Variants in ITSN2 observed in about 807,000 individuals in gnomAD.
ITSN2 encodes intersectin 2.
ITSN2 carries 156 observed loss-of-function variants against 243.7 expected under a neutral mutation model. The ratio of observed to expected loss-of-function variants is 0.64; its 90% confidence interval spans 0.56 to 0.73. The LOEUF (loss-of-function observed/expected upper bound fraction) is 0.73, where lower values mean the gene tolerates loss of function less well. ITSN2 is among the 30% of genes least tolerant of loss of function. The pLI is 0.00. For synonymous variants in ITSN2, 703 were observed against 699.9 expected (o/e 1.00, Z -0.07); for missense variants, 1,801 against 1,996.1 (o/e 0.90, Z 1.86).
intron 29 of ITSN2, 85 bp downstream of exon 29, chr2:24,246,044 G>T: frequency 1.1e-6 from 1 of 888,110 alleles, no homozygotes; most frequent in Non-Finnish European, 1.7e-6. Flanking sequence ...CTGAGTTTAA[G>T]ATCTAATCCA....
At chr2:24,261,293 G>C (rs752220406) in intron 21 of ITSN2, 43 bp from the exon 22 acceptor site, 1 of 1,420,476 alleles carries the variant, frequency 7.0e-7, no homozygotes. Flanking sequence ...TATTTGTTTA[G>C]AACTTAATGA....
At chr2:24,318,819 C>T (rs1328266242) in intron 2 of ITSN2, among the ~76,000 whole-genome samples, 5 of 152,192 alleles carry the variant, frequency 3.3e-5, no homozygotes, top group East Asian at 1.9e-4. Context: ...CCCCAGGCCA[C>T]GGACTGGCAC....
intron 1 of ITSN2, among the ~76,000 whole-genome samples, chr2:24,357,920 CT>C (rs956334009): frequency 6.6e-6 from 1 of 150,934 alleles, no homozygotes; most frequent in Non-Finnish European, 1.5e-5. Flanking sequence ...CTTTTTTTTT[CT>C]TTTTTTTGTT....
At chr2:24,248,591 T>C (rs761205947) in intron 27 of ITSN2, 38 bp downstream of exon 27, 4 of 1,533,996 alleles carry the variant, frequency 2.6e-6, no homozygotes, top group East Asian at 2.3e-5. Flanking sequence ...GCAGTACTTT[T>C]ATAATAAAAT....
intron 29 of ITSN2, among the ~76,000 whole-genome samples, chr2:24,237,349 ATC>A (rs1190185261): frequency 2.5e-5 from 2 of 79,412 alleles, no homozygotes; most frequent in Non-Finnish European, 4.9e-5. Flanking sequence ...TAGCAAAATA[ATC>A]TCTTTCTCAT....
intron 17 of ITSN2, among the ~76,000 whole-genome samples, chr2:24,279,972 T>G (rs1032825920): frequency 1.3e-5 from 2 of 152,066 alleles, no homozygotes; most frequent in Non-Finnish European, 2.9e-5. Flanking sequence ...GATCTCATGA[T>G]CCACCCGCCT....
rs912433656 is a variant in ITSN2 at position 24,212,943 on chromosome 2, C to T, written c.3991-195G>A. Among the ~76,000 whole-genome samples, 4 of 152,098 alleles carry T rather than the reference C, an allele frequency of 2.6e-5. No homozygotes were observed. The South Asian group carries it at 6.2e-4, about 24-fold the overall frequency. ...AAAATTTGTGTATATTCACAACATA[C>T]AAGTGTAATTTTGCTACACTGATAT... On this transcript the variant is annotated intron_variant, in intron 32 of 39. Transcript: ENST00000355123.
Position 24,246,318 on chromosome 2 carries a change from A to G in ITSN2, c.3388T>C (p.Cys1130Arg), listed in dbSNP as rs202114029. Residue 1130 changes from cysteine (C) to arginine (R), a missense_variant and splice_region_variant, in exon 29 of 40, where the codon TGT becomes CGT. Coordinates refer to ENST00000355123, the MANE Select transcript of ITSN2 (RefSeq NM_006277.3). ...TAGTCATACATAGCAATCACCTGAC[A>G]TACTATCACAAGAATAACAAAATAA... The part of the protein sequence containing the change: ...ERATPAFHPV[C>R]QVIAMYDYAA... 56 of 1,590,572 alleles carry G rather than the reference A, an allele frequency of 3.5e-5. No homozygotes were observed. The highest frequency in any genetic ancestry group is 2.2e-5 in the East Asian group (1 of 44,518).
intron 20 of ITSN2, among the ~76,000 whole-genome samples, chr2:24,262,399 G>GT (rs1676019516): frequency 6.6e-6 from 1 of 151,888 alleles, no homozygotes; most frequent in Admixed American, 6.6e-5. Context: ...CTGTTACACA[G>GT]TTTTTTTGAA....
intron 1 of ITSN2, among the ~76,000 whole-genome samples, chr2:24,347,021 C>G (rs561880962): frequency 1.3e-5 from 2 of 151,962 alleles, no homozygotes; most frequent in East Asian, 1.9e-4. Flanking sequence ...CCCGCCACCA[C>G]GCCCAGCTAA....
intron 2 of ITSN2, among the ~76,000 whole-genome samples, chr2:24,323,160 T>C (rs1684778094): frequency 6.7e-6 from 1 of 150,008 alleles, no homozygotes; most frequent in Non-Finnish European, 1.5e-5. Flanking sequence ...GAATTTCTTA[T>C]GAAGTTAAAT....
chr2:24,242,812 T>C (rs1339587244), intron 29 of ITSN2, among the ~76,000 whole-genome samples: 1 of 152,142 alleles, frequency 6.6e-6, no homozygotes, highest in Non-Finnish European at 1.5e-5. Context: ...GACAAGCCTT[T>C]AGCCATTCAT....
chr2:24,320,749 AAC>A (rs1474309947), intron 2 of ITSN2, among the ~76,000 whole-genome samples: 2 of 151,640 alleles, frequency 1.3e-5, no homozygotes, highest in Non-Finnish European at 2.9e-5. Flanking sequence ...AAAAAAAAAA[AAC>A]AAAAAAACAT....
chr2:24,304,942 T>G (rs971900133), intron 8 of ITSN2, among the ~76,000 whole-genome samples: 10 of 152,204 alleles, frequency 6.6e-5, no homozygotes, highest in African/African-American at 2.2e-4. Context: ...CCTCTGGATA[T>G]CCTATATCCT....
intron 20 of ITSN2, among the ~76,000 whole-genome samples, chr2:24,267,908 C>T (rs1676872509): frequency 6.6e-6 from 1 of 152,108 alleles, no homozygotes; most frequent in Non-Finnish European, 1.5e-5. Flanking sequence ...GTGTTTTCAA[C>T]CTAATCAAGA....
intron 1 of ITSN2, among the ~76,000 whole-genome samples, chr2:24,335,353 G>C (rs932621796): frequency 1.3e-5 from 2 of 152,158 alleles, no homozygotes; most frequent in African/African-American, 2.4e-5. Context: ...GGTTTTTTAA[G>C]ACAAAGTATC....
Position 24,300,012 on chromosome 2 carries a change from T to G in ITSN2, c.1241A>C (p.Gln414Pro). 1 of 1,614,228 alleles carries G rather than the reference T, an allele frequency of 6.2e-7. No individual in the cohort carries two copies. The highest frequency in any genetic ancestry group is 8.5e-7 in the Non-Finnish European group (1 of 1,180,026). ...TAATTCAAGTTGTTTCTTCCATTCT[T>G]GTTCTTGTAATTCTCTCTGTTTTCG... is the stretch of plus-strand genomic sequence containing the variant. Reference protein sequence around the residue: ...WERKQRELQEQEWKKQLELEK... With the variant: ...WERKQRELQEPEWKKQLELEK... The change falls in exon 12 of 40, where the codon CAA (glutamine) becomes CCA (proline). Residue 414 changes from glutamine (Q) to proline (P), a missense_variant. By Grantham distance (76) the Gln-to-Pro change is moderately conservative. Coordinates refer to ENST00000355123, the MANE Select transcript of ITSN2 (RefSeq NM_006277.3).
intron 33 of ITSN2, 88 bp downstream of exon 33, chr2:24,212,562 G>A (rs1456766062): frequency 1.0e-6 from 1 of 986,466 alleles, no homozygotes; most frequent in Admixed American, 2.3e-5. Context: ...GAGGTGGCAT[G>A]CTCAGGGCTC....
intron 17 of ITSN2, among the ~76,000 whole-genome samples, chr2:24,278,777 G>A (rs1006941769): frequency 1.3e-5 from 2 of 150,312 alleles, no homozygotes; most frequent in African/African-American, 4.9e-5. Flanking sequence ...TCAGCCTCTT[G>A]AGTAGCTGGG....
Sources: gnomAD v4.1 joint callset for allele counts (sites outside exome capture counted in the v4.1 genomes callset) on GRCh38, gnomAD v4.1.1 for gene constraint, MANE v1.5 for transcripts, NCBI Gene and HGNC (gene_info 2026-07-23, HGNC 2026-07-21) for gene names.